Variants in SORCS1 observed in about 807,000 individuals in gnomAD.
The protein encoded by SORCS1 is VPS10 domain-containing receptor SorCS1.
SORCS1 carries 60 observed loss-of-function variants against 146.1 expected under a neutral mutation model. The ratio of observed to expected loss-of-function variants is 0.41; its 90% CI spans 0.33 to 0.51. The LOEUF is 0.51. Among genes scored for constraint, SORCS1 ranks in the 20% least tolerant of loss-of-function variants. The probability of loss-of-function intolerance (pLI) is 0.21; values close to 1 mark genes in which losing one functional copy is unlikely to be tolerated. For synonymous variants in SORCS1, 637 were observed against 584.0 expected, an observed-to-expected ratio of 1.09 and a Z score of -1.31; for missense variants, 1,352 against 1,487.6, an observed-to-expected ratio of 0.91 and a Z score of 1.50.
At position 106,792,304 on chromosome 10, in the gene SORCS1, A is replaced by G. The variant is rs558555493; in HGVS notation, c.727-15612T>C. On this transcript the variant is annotated intron_variant, in intron 3 of 25. Coordinates refer to ENST00000263054, the MANE Select transcript of SORCS1 (RefSeq NM_052918.5). Reference sequence around the variant, plus strand: ...TTATTTCTCCTTTTTGTACTATGTCATCAATTCCCAGTCAAACCTTTCTGG... The same window carrying G: ...TTATTTCTCCTTTTTGTACTATGTCGTCAATTCCCAGTCAAACCTTTCTGG... Among the ~76,000 whole-genome samples the G allele has an allele frequency of 6.0e-4, 91 of 152,380 alleles. 1 individual carries two copies. The highest frequency in any genetic ancestry group is 2.0e-3 in the African/African-American group (85 of 41,592).
chr10:106,803,255 T>C (rs1947000525), intron 3 of SORCS1, among the ~76,000 whole-genome samples: 1 of 152,196 alleles, frequency 6.6e-6, no homozygotes. Flanking sequence ...GTATTCTTGA[T>C]GAAACAGATT....
intron 18 of SORCS1, among the ~76,000 whole-genome samples, chr10:106,648,010 G>C (rs1849577300): frequency 2.0e-5 from 3 of 151,740 alleles, no homozygotes; most frequent in Non-Finnish European, 4.4e-5. Flanking sequence ...TGGGACCACA[G>C]ACACACGACA....
At chr10:107,035,858 A>G (rs1345473145) in intron 1 of SORCS1, among the ~76,000 whole-genome samples, 2 of 151,454 alleles carry the variant, frequency 1.3e-5, no homozygotes, top group East Asian at 3.9e-4. Context: ...AATCAACCTT[A>G]TAAGTATAGT....
At chr10:107,032,098 C>T (rs1052645248) in intron 1 of SORCS1, among the ~76,000 whole-genome samples, 3 of 152,178 alleles carry the variant, frequency 2.0e-5, no homozygotes, top group African/African-American at 7.2e-5. Flanking sequence ...TACTGCTTCT[C>T]TGTGGGACTA....
chr10:106,800,155 T>C (rs1242317758), intron 3 of SORCS1, among the ~76,000 whole-genome samples: 2 of 152,178 alleles, frequency 1.3e-5, no homozygotes, highest in Non-Finnish European at 2.9e-5. Flanking sequence ...CATTTGTAAT[T>C]GACCTATAGA....
rs1357187729 is a variant in SORCS1 at position 106,755,039 on chromosome 10, T to C, written c.959+6549A>G. ...AGTTTCTAATGAGAAATGCCTTCCA[T>C]TGCTTTATACTAAACTTGACTCAGA... On this transcript the variant is annotated intron_variant, in intron 5 of 25. Coordinates refer to ENST00000263054, the MANE Select transcript of SORCS1 (RefSeq NM_052918.5). Among the ~76,000 whole-genome samples, 8 of 152,346 alleles carry C rather than the reference T, an allele frequency of 5.3e-5. 1 individual carries two copies. The South Asian group carries it at 1.4e-3, about 28-fold the overall frequency.
At chr10:106,863,976 A>G (rs1950129017) in intron 2 of SORCS1, among the ~76,000 whole-genome samples, 1 of 152,222 alleles carries the variant, frequency 6.6e-6, no homozygotes, top group Non-Finnish European at 1.5e-5. Context: ...GGCAAAGGCT[A>G]GACCTGAACA....
At chr10:106,891,649 A>T (rs1243765806) in intron 2 of SORCS1, among the ~76,000 whole-genome samples, 3 of 151,920 alleles carry the variant, frequency 2.0e-5, no homozygotes, top group Non-Finnish European at 4.4e-5. Flanking sequence ...ACAGGCATGA[A>T]CCACGGCACC....
intron 5 of SORCS1, among the ~76,000 whole-genome samples, chr10:106,742,057 A>G (rs1857404282): frequency 6.6e-6 from 1 of 152,164 alleles, no homozygotes; most frequent in Admixed American, 6.5e-5. Context: ...AAATACTTCA[A>G]CTGAGAAGGA....
intron 1 of SORCS1, among the ~76,000 whole-genome samples, chr10:106,981,739 A>G (rs1045939764): frequency 6.6e-6 from 1 of 152,216 alleles, no homozygotes; most frequent in African/African-American, 2.4e-5. Flanking sequence ...ACCAATATCC[A>G]AAAGAAGAAA....
intron 1 of SORCS1, among the ~76,000 whole-genome samples, chr10:107,095,893 A>G (rs1173246065): frequency 6.6e-6 from 1 of 152,236 alleles, no homozygotes; most frequent in African/African-American, 2.4e-5. Flanking sequence ...TGCTTACAAT[A>G]AACCTATAAT....
chr10:107,130,796 G>A (rs1388062506), intron 1 of SORCS1, among the ~76,000 whole-genome samples: 4 of 150,968 alleles, frequency 2.6e-5, no homozygotes, highest in Non-Finnish European at 4.4e-5. Flanking sequence ...ATACATAAAT[G>A]AAATTTACTA....
chr10:107,112,402 T>C (rs1049462331), intron 1 of SORCS1, among the ~76,000 whole-genome samples: 5 of 150,898 alleles, frequency 3.3e-5, no homozygotes, highest in Non-Finnish European at 5.9e-5. Context: ...ACACAAACCA[T>C]AAAAAGAAAG....
intron 1 of SORCS1, among the ~76,000 whole-genome samples, chr10:107,121,974 T>C (rs1440387359): frequency 6.6e-6 from 1 of 152,154 alleles, no homozygotes; most frequent in African/African-American, 2.4e-5. Context: ...CAAGCACATC[T>C]ACCTCCAAAA....
At chr10:106,673,710 C>T (rs990656552) in intron 14 of SORCS1, among the ~76,000 whole-genome samples, 2 of 152,144 alleles carry the variant, frequency 1.3e-5, no homozygotes, top group Non-Finnish European at 2.9e-5. Flanking sequence ...TGCTATTTTA[C>T]TTTCCCACCA....
At chr10:106,598,477 G>A (rs1299971131) in intron 23 of SORCS1, among the ~76,000 whole-genome samples, 1 of 151,768 alleles carries the variant, frequency 6.6e-6, no homozygotes, top group East Asian at 1.9e-4. Context: ...GGCCAGGATG[G>A]TCTTGATCTC....
intron 1 of SORCS1, among the ~76,000 whole-genome samples, chr10:107,136,561 C>A (rs745463726): frequency 3.3e-5 from 5 of 152,174 alleles, no homozygotes; most frequent in Admixed American, 3.3e-4. Flanking sequence ...AAAGTCACAA[C>A]TGGTAAGTGA....
At chr10:106,996,225 T>TAA (rs376245294) in intron 1 of SORCS1, among the ~76,000 whole-genome samples, 45 of 99,644 alleles carry the variant, frequency 4.5e-4, no homozygotes, top group African/African-American at 1.2e-3. Context: ...AGACTCCATC[T>TAA]AAAAAAAAAA....
chr10:107,082,054 G>T (rs1963370703), intron 1 of SORCS1, among the ~76,000 whole-genome samples: 1 of 152,198 alleles, frequency 6.6e-6, no homozygotes, highest in Non-Finnish European at 1.5e-5. Context: ...TGAAGCAATA[G>T]CACCATTTCT....
Sources: allele counts gnomAD v4.1 joint callset (sites outside exome capture counted in the v4.1 genomes callset), GRCh38; gene constraint gnomAD v4.1.1; transcripts MANE v1.5; gene names NCBI Gene and HGNC (gene_info 2026-07-23, HGNC 2026-07-21).